Variants in RBFOX1 observed in about 807,000 individuals in gnomAD.
The protein encoded by RBFOX1 is RNA binding protein fox-1 homolog 1.
A neutral mutation model predicts 57.7 loss-of-function variants in RBFOX1; 8 were observed. That is an observed-to-expected ratio of 0.14 (90% CI 0.08 to 0.25). RBFOX1 has a LOEUF of 0.25. Among genes scored for constraint, RBFOX1 ranks in the 10% least tolerant of loss-of-function variants. The probability of loss-of-function intolerance (pLI) is 1.00; values close to 1 mark genes in which losing one functional copy is unlikely to be tolerated. For synonymous variants in RBFOX1, 326 were observed against 222.4 expected, an observed-to-expected ratio of 1.47 and a Z score of -4.15; for missense variants, 611 against 548.5, an observed-to-expected ratio of 1.11 and a Z score of -1.14.
At chr16:6,160,295 C>T (rs1344681134) in intron 1 of RBFOX1, among the ~76,000 whole-genome samples, 2 of 151,994 alleles carry the variant, frequency 1.3e-5, no homozygotes, top group Non-Finnish European at 2.9e-5. Flanking sequence ...GAGGTGTATG[C>T]AACATGATAT....
chr16:5,296,507 C>T (rs114655322), intron 1 of RBFOX1, among the ~76,000 whole-genome samples: 8 of 151,522 alleles, frequency 5.3e-5, no homozygotes, highest in East Asian at 3.9e-4. Flanking sequence ...AAAAAGTCAA[C>T]GAGACAAATC....
At chr16:5,591,017 T>A (rs1032128365) in intron 2 of RBFOX1, among the ~76,000 whole-genome samples, 26 of 127,854 alleles carry the variant, frequency 2.0e-4, no homozygotes, top group African/African-American at 7.0e-4. Flanking sequence ...GAGCTAAACA[T>A]TTTTTTTTTT....
intron 1 of RBFOX1, among the ~76,000 whole-genome samples, chr16:5,342,474 A>C (rs1324221440): frequency 6.6e-6 from 1 of 152,190 alleles, no homozygotes; most frequent in Non-Finnish European, 1.5e-5. Context: ...AATGTCATCT[A>C]ATCTCCATGG....
Position 7,090,722 on chromosome 16 carries a change from G to A in RBFOX1, c.27+38624G>A, listed in dbSNP as rs144599944. On this transcript the variant is annotated intron_variant, in intron 4 of 15. Transcript: ENST00000550418. ...TCTCTGCAACCATTGGCTGACTTCC[G>A]GGCGGTTTTGATTCACCAAACTTGG... 3.0e-3 allele frequency among the ~76,000 whole-genome samples: 454 copies of A among 152,210 alleles called. 2 individuals are homozygous for A. The highest frequency in any genetic ancestry group is 1.0e-2 in the African/African-American group (414 of 41,528).
rs138282718 is a variant in RBFOX1 at position 5,540,983 on chromosome 16, G to T, written c.259-57919G>T. Among the ~76,000 whole-genome samples the T allele has an allele frequency of 2.3e-3, 347 of 152,202 alleles. 1 individual carries two copies. Among genetic ancestry groups the T allele is most frequent in the Non-Finnish European group, 4.4e-3 (300 of 67,996 alleles). ...TCCTGCCTCAGCGTCCTGAGTAGCT[G>T]GGACTACAAACATGTGCTACCCCGC... is the stretch of plus-strand genomic sequence containing the variant. On this transcript the variant is annotated intron_variant, in intron 2 of 2. Coordinates refer to the RBFOX1 transcript ENST00000585867.
intron 3 of RBFOX1, among the ~76,000 whole-genome samples, chr16:6,784,678 C>T (rs917826215): frequency 2.0e-5 from 3 of 150,082 alleles, no homozygotes; most frequent in Non-Finnish European, 2.9e-5. Context: ...TGCATGAGGG[C>T]ATTTGTTAAT....
intron 2 of RBFOX1, among the ~76,000 whole-genome samples, chr16:5,514,404 C>G (rs1486386101): frequency 6.6e-6 from 1 of 152,152 alleles, no homozygotes; most frequent in Non-Finnish European, 1.5e-5. Context: ...GGTCTTGGCT[C>G]AGAATGGTGA....
chr16:7,644,021 T>G (rs1206334951), intron 11 of RBFOX1, among the ~76,000 whole-genome samples: 3 of 152,298 alleles, frequency 2.0e-5, no homozygotes, highest in Middle Eastern at 6.8e-3. Flanking sequence ...GGAGATGATG[T>G]AGCAGCTTGT....
intron 4 of RBFOX1, among the ~76,000 whole-genome samples, chr16:7,284,038 A>G (rs1198161152): frequency 6.6e-6 from 1 of 152,254 alleles, no homozygotes. Flanking sequence ...AATCAGAAGT[A>G]CGTAGCCTTT....
intron 3 of RBFOX1, among the ~76,000 whole-genome samples, chr16:6,893,449 T>C (rs955659234): frequency 6.6e-6 from 1 of 152,216 alleles, no homozygotes; most frequent in Non-Finnish European, 1.5e-5. Context: ...ATCTTTCTTT[T>C]AAACCTGAAC....
At chr16:6,670,352 G>A (rs908050470) in intron 3 of RBFOX1, among the ~76,000 whole-genome samples, 5 of 152,068 alleles carry the variant, frequency 3.3e-5, no homozygotes, top group African/African-American at 9.7e-5. Flanking sequence ...TTACAGGGGT[G>A]AGCCACTGCT....
At chr16:5,364,885 C>G (rs774521473) in intron 1 of RBFOX1, among the ~76,000 whole-genome samples, 1 of 152,112 alleles carries the variant, frequency 6.6e-6, no homozygotes, top group Non-Finnish European at 1.5e-5. Context: ...TGAAACGCAC[C>G]TGCTTGGGCT....
At chr16:7,388,866 T>C (rs2097934898) in intron 4 of RBFOX1, among the ~76,000 whole-genome samples, 1 of 152,058 alleles carries the variant, frequency 6.6e-6, no homozygotes, top group African/African-American at 2.4e-5. Flanking sequence ...GTTAGGTGTA[T>C]GGAATGCAAT....
chr16:7,024,105 C>T (rs141584784), intron 3 of RBFOX1, among the ~76,000 whole-genome samples: 23 of 152,230 alleles, frequency 1.5e-4, no homozygotes, highest in Non-Finnish European at 2.5e-4. Context: ...TAAGAATATA[C>T]TTGTGATGCA....
chr16:5,598,271 C>G lies in RBFOX1; in HGVS notation c.259-631C>G, dbSNP rs1298729907. On this transcript the variant is annotated intron_variant, in intron 2 of 2. Transcript: ENST00000585867. ...AAAGTAGTGCATAGCATTGCAGATG[C>G]TCCCTAGATGCAAAGTGTTGCTGGA... Among the ~76,000 whole-genome samples, 3 of 151,902 alleles carry G rather than the reference C, an allele frequency of 2.0e-5. No individual in the cohort carries two copies. In the East Asian group the frequency reaches 5.8e-4, roughly 29 times the overall value.
At chr16:7,034,304 A>G (rs556427962) in intron 3 of RBFOX1, among the ~76,000 whole-genome samples, 1 of 152,190 alleles carries the variant, frequency 6.6e-6, no homozygotes, top group African/African-American at 2.4e-5. Context: ...CCCTGTAAGA[A>G]GTCACTGTAG....
At chr16:7,536,698 G>A (rs72773080) in intron 5 of RBFOX1, among the ~76,000 whole-genome samples, 12 of 152,324 alleles carry the variant, frequency 7.9e-5, no homozygotes, top group South Asian at 2.1e-4. Context: ...ATGCAGGGGC[G>A]TGTGGAAGCC....
chr16:5,750,504 G>T (rs1229129740), intron 3 of RBFOX1, among the ~76,000 whole-genome samples: 2 of 152,220 alleles, frequency 1.3e-5, no homozygotes, highest in Admixed American at 6.5e-5. Context: ...TTGAGCTGTG[G>T]TGGGCTCCAC....
At chr16:6,760,748 C>T (rs1231321699) in intron 3 of RBFOX1, among the ~76,000 whole-genome samples, 2 of 152,168 alleles carry the variant, frequency 1.3e-5, no homozygotes, top group South Asian at 2.1e-4. Context: ...AAGGCACAGC[C>T]TTGGTGCAAG....
Sources: allele counts gnomAD v4.1 joint callset (sites outside exome capture counted in the v4.1 genomes callset), GRCh38; gene constraint gnomAD v4.1.1; transcripts MANE v1.5; gene names NCBI Gene and HGNC (gene_info 2026-07-23, HGNC 2026-07-21).